GABRB3: variants seen among roughly 807,000 people sequenced by gnomAD.
GABRB3 encodes gamma-aminobutyric acid receptor subunit beta-3.
GABRB3 carries 14 observed loss-of-function variants against 52.1 expected under a neutral mutation model. That is an observed-to-expected ratio of 0.27 (90% CI 0.18 to 0.42). The LOEUF (loss-of-function observed/expected upper bound fraction) is 0.42. Among genes scored for constraint, GABRB3 ranks in the 10% least tolerant of loss-of-function variants. The pLI is 1.00. For missense variants in GABRB3, 307 were observed against 609.1 expected (o/e 0.50, Z 5.22); for synonymous variants, 260 against 232.3 (o/e 1.12, Z -1.08).
intron 8 of GABRB3, 63 bp from the exon 9 acceptor site, chr15:26,548,197 C>T (rs1026766488): frequency 2.0e-5 from 26 of 1,279,840 alleles, no homozygotes; most frequent in South Asian, 4.7e-5. Flanking sequence ...ATGCAGATCC[C>T]GGACAGAATG....
intron 4 of GABRB3, among the ~76,000 whole-genome samples, chr15:26,598,776 A>G (rs1020047310): frequency 2.6e-5 from 4 of 152,224 alleles, no homozygotes; most frequent in Non-Finnish European, 5.9e-5. Flanking sequence ...CCAGGGTTAG[A>G]TAGAAACAAA....
chr15:26,676,858 AT>A (rs1566801586), intron 3 of GABRB3, among the ~76,000 whole-genome samples: 4 of 152,178 alleles, frequency 2.6e-5, no homozygotes, highest in Admixed American at 2.0e-4. Context: ...TATTATATAT[AT>A]TTTTTCTTTG....
At chr15:26,679,087 C>A (rs1424554417) in intron 3 of GABRB3, among the ~76,000 whole-genome samples, 1 of 152,200 alleles carries the variant, frequency 6.6e-6, no homozygotes, top group Non-Finnish European at 1.5e-5. Flanking sequence ...GGGGCACCAA[C>A]AAGGTCTATA....
At chr15:26,722,152 C>G (rs1889658271) in intron 3 of GABRB3, among the ~76,000 whole-genome samples, 1 of 152,134 alleles carries the variant, frequency 6.6e-6, no homozygotes, top group South Asian at 2.1e-4. Flanking sequence ...TTTGCCCCAT[C>G]TAGGTCCTCA....
chr15:26,655,741 C>CAA (rs79202855), intron 3 of GABRB3, among the ~76,000 whole-genome samples: 23 of 81,144 alleles, frequency 2.8e-4, no homozygotes, highest in Admixed American at 5.5e-4. Context: ...GACTCTGTCT[C>CAA]AAAAAAAAAA....
In GABRB3 at chr15:26,716,782, T is replaced by C. The variant is rs201598082; in HGVS notation, c.240+55620A>G. 2,519 of 1,046,588 alleles carry C rather than the reference T, an allele frequency of 2.4e-3. 105 individuals are homozygous for C. The Admixed American group carries it at 0.024, about 10-fold the overall frequency. The allele number at this position is 1,046,588 out of a possible 1,614,324, so 64.8% of individuals were successfully genotyped here. The stretch of plus-strand genomic sequence containing the variant: ...CCCAGCTCTGAGGACCTCCACCAAA[T>C]GACAGCCCAGCTCTGAGGACCTCCA... On this transcript the variant is annotated intron_variant, in intron 3 of 8. Coordinates refer to ENST00000311550, the MANE Select transcript of GABRB3 (RefSeq NM_000814.6).
chr15:26,550,909 G>A (rs901526329), intron 8 of GABRB3, among the ~76,000 whole-genome samples: 3 of 152,196 alleles, frequency 2.0e-5, no homozygotes, highest in Admixed American at 6.5e-5. Context: ...TATAGGAGGT[G>A]AGAGGGAAGA....
chr15:26,584,103 T>C (rs1647305348), intron 4 of GABRB3, among the ~76,000 whole-genome samples: 1 of 152,166 alleles, frequency 6.6e-6, no homozygotes, highest in African/African-American at 2.4e-5. Context: ...TCTTTTTGTG[T>C]GTGACGAAAA....
chr15:26,771,129 TGGTA>T (rs952246654), intron 3 of GABRB3, among the ~76,000 whole-genome samples: 1 of 152,182 alleles, frequency 6.6e-6, no homozygotes, highest in Non-Finnish European at 1.5e-5. Flanking sequence ...AGATCCTTAG[TGGTA>T]GGTATTTTAA....
intron 3 of GABRB3, among the ~76,000 whole-genome samples, chr15:26,640,186 T>C (rs1322188942): frequency 2.0e-5 from 3 of 152,146 alleles, no homozygotes; most frequent in Non-Finnish European, 2.9e-5. Context: ...GGCCACTGAA[T>C]GCAAACTTTC....
intron 6 of GABRB3, chr15:26,569,319 T>C (rs1204116907): frequency 6.6e-6 from 1 of 152,238 alleles, no homozygotes; most frequent in African/African-American, 2.4e-5. Flanking sequence ...TACCCAGCAC[T>C]TCAAGGCTGA....
chr15:26,590,658 T>C (rs1595464902), intron 4 of GABRB3, among the ~76,000 whole-genome samples: 1 of 152,370 alleles, frequency 6.6e-6, no homozygotes, highest in South Asian at 2.1e-4. Context: ...TGTTTTACTT[T>C]ACAAAATACA....
At chr15:26,617,604 C>T (rs1484256199) in intron 4 of GABRB3, among the ~76,000 whole-genome samples, 3 of 151,784 alleles carry the variant, frequency 2.0e-5, no homozygotes, top group Non-Finnish European at 2.9e-5. Context: ...AAAACTGGCA[C>T]AAGACAGGGA....
At chr15:26,647,728 A>T (rs1887054400) in intron 3 of GABRB3, among the ~76,000 whole-genome samples, 1 of 152,088 alleles carries the variant, frequency 6.6e-6, no homozygotes, top group African/African-American at 2.4e-5. Context: ...CAAGAGATGA[A>T]ACCAAAGCCA....
At chr15:26,687,135 C>T (rs1183692421) in intron 3 of GABRB3, among the ~76,000 whole-genome samples, 1 of 152,224 alleles carries the variant, frequency 6.6e-6, no homozygotes, top group Admixed American at 6.5e-5. Context: ...TGTCTTCCTC[C>T]TCATCCTACT....
At chr15:26,593,718 T>C (rs1411760289) in intron 4 of GABRB3, among the ~76,000 whole-genome samples, 1 of 152,122 alleles carries the variant, frequency 6.6e-6, no homozygotes, top group African/African-American at 2.4e-5. Flanking sequence ...CATTCATCTG[T>C]TGGCAGACAT....
At chr15:26,605,235 T>C (rs1891743743) in intron 4 of GABRB3, among the ~76,000 whole-genome samples, 1 of 152,150 alleles carries the variant, frequency 6.6e-6, no homozygotes. Context: ...CCAGTTAAAA[T>C]AACTTTTATC....
In GABRB3 at chr15:26,718,498, C is replaced by T. The variant is rs141125344; in HGVS notation, c.240+53904G>A. Among the ~76,000 whole-genome samples the T allele has an allele frequency of 8.2e-3, 1,254 of 152,288 alleles. 15 individuals are homozygous for T. Among genetic ancestry groups the T allele is most frequent in the African/African-American group, 0.029 (1,190 of 41,572 alleles). On this transcript the variant is annotated intron_variant, in intron 3 of 8. Transcript: ENST00000311550. Reference sequence around the variant, plus strand: ...TGCTGGGATTACAGGCGTGAGCCACCGCGCCCAGCCTTAATAGCTTATTTC... The same window carrying T: ...TGCTGGGATTACAGGCGTGAGCCACTGCGCCCAGCCTTAATAGCTTATTTC...
chr15:26,701,512 A>G (rs1246500093), intron 3 of GABRB3, among the ~76,000 whole-genome samples: 1 of 152,194 alleles, frequency 6.6e-6, no homozygotes, highest in Non-Finnish European at 1.5e-5. Flanking sequence ...AATAAGAAAT[A>G]GAGATGAATA....
Sources: gnomAD v4.1 joint callset for allele counts (sites outside exome capture counted in the v4.1 genomes callset) on GRCh38, gnomAD v4.1.1 for gene constraint, MANE v1.5 for transcripts, NCBI Gene and HGNC (gene_info 2026-07-23, HGNC 2026-07-21) for gene names.